Variants in ARMC8 observed in about 807,000 individuals in gnomAD.
ARMC8 encodes the protein armadillo repeat containing 8, also known as armadillo repeat-containing protein 8.
ARMC8 carries 20 observed loss-of-function variants against 99.3 expected under a neutral mutation model. That is an observed-to-expected ratio of 0.20 (90% CI 0.14 to 0.29). The LOEUF (loss-of-function observed/expected upper bound fraction) is 0.29. Ranked by LOEUF, ARMC8 falls within the 10% of genes least tolerant of loss-of-function variation. ARMC8 has a pLI of 1.00. For missense variants in ARMC8, 569 were observed against 809.5 expected (o/e 0.70, Z 3.60); for synonymous variants, 263 against 278.3 (o/e 0.95, Z 0.55).
At chr3:138,228,852 A>G (rs1212896441) in intron 5 of ARMC8, 66 bp from the exon 6 acceptor site, 22 of 971,466 alleles carry the variant, frequency 2.3e-5, no homozygotes, top group Non-Finnish European at 3.2e-5. Flanking sequence ...TTGTGGAAAT[A>G]TTTTATATTT....
At chr3:138,237,156 T>C in intron 7 of ARMC8, 153 bp from the exon 8 acceptor site, 1 of 645,222 alleles carries the variant, frequency 1.5e-6, no homozygotes. Context: ...TACTGTACTC[T>C]GCAGCTGTAC....
At chr3:138,231,997 G>A (rs1442384235) in intron 6 of ARMC8, among the ~76,000 whole-genome samples, 4 of 111,782 alleles carry the variant, frequency 3.6e-5, no homozygotes, top group Non-Finnish European at 5.1e-5. Context: ...TTGAGATGGA[G>A]TCTCGCTCTG....
At chr3:138,225,038 A>G (rs1393009662) in intron 5 of ARMC8, among the ~76,000 whole-genome samples, 1 of 151,522 alleles carries the variant, frequency 6.6e-6, no homozygotes, top group African/African-American at 2.4e-5. Flanking sequence ...GTTTTGAATA[A>G]TGGATAAGAC....
At chr3:138,289,018 T>A (rs1351350200) in intron 19 of ARMC8, 30 bp from the exon 20 acceptor site, 1 of 1,583,090 alleles carries the variant, frequency 6.3e-7, no homozygotes, top group Admixed American at 1.7e-5. Context: ...ACCACCATTT[T>A]GATTTTTTTT....
chr3:138,188,519 A>G (rs1186448164), intron 1 of ARMC8: 4 of 1,613,622 alleles, frequency 2.5e-6, no homozygotes, highest in Non-Finnish European at 3.4e-6. Context: ...GAGCTGTCCG[A>G]CTCTGAGAAT....
chr3:138,228,642 T>G, intron 5 of ARMC8: 2 of 472,672 alleles, frequency 4.2e-6, no homozygotes, highest in Non-Finnish European at 8.3e-6. Flanking sequence ...TGAAATGATT[T>G]TATCATGAGG....
intron 1 of ARMC8, among the ~76,000 whole-genome samples, chr3:138,200,974 G>A (rs142590929): frequency 3.0e-3 from 402 of 135,630 alleles, no homozygotes; most frequent in African/African-American, 9.5e-3. Flanking sequence ...GTGCAGTGGC[G>A]TGATCTTGGC....
intron 1 of ARMC8, among the ~76,000 whole-genome samples, chr3:138,195,539 A>G (rs986471918): frequency 2.0e-5 from 3 of 152,162 alleles, no homozygotes; most frequent in Non-Finnish European, 4.4e-5. Flanking sequence ...TAGCCTTCTT[A>G]TCACCTCCTA....
At chr3:138,273,210 A>G in intron 17 of ARMC8, 94 bp downstream of exon 17, 6 of 1,276,406 alleles carry the variant, frequency 4.7e-6, no homozygotes, top group Non-Finnish European at 6.4e-6. Flanking sequence ...ACATCTGCCC[A>G]TGAGTGTGAT....
chr3:138,265,274 T>G (rs1234281274), intron 14 of ARMC8, among the ~76,000 whole-genome samples: 1 of 152,090 alleles, frequency 6.6e-6, no homozygotes, highest in Admixed American at 6.6e-5. Context: ...CAAAAAAGGT[T>G]CAGGACAAAT....
chr3:138,203,118 A>G (rs1007488170), intron 1 of ARMC8, among the ~76,000 whole-genome samples: 4 of 152,182 alleles, frequency 2.6e-5, no homozygotes, highest in Non-Finnish European at 4.4e-5. Context: ...CTTTTGCACT[A>G]TTAAAGACAA....
intron 1 of ARMC8, among the ~76,000 whole-genome samples, chr3:138,208,320 G>T (rs1471887408): frequency 6.6e-6 from 1 of 152,128 alleles, no homozygotes; most frequent in Admixed American, 6.5e-5. Flanking sequence ...ACAAAAATTA[G>T]CTGGATGTGG....
chr3:138,200,715 TC>T (rs2044006187), intron 1 of ARMC8, among the ~76,000 whole-genome samples: 1 of 152,052 alleles, frequency 6.6e-6, no homozygotes, highest in Non-Finnish European at 1.5e-5. Context: ...CCTTCCCTTT[TC>T]TCACCTCCAC....
chr3:138,201,481 G>T (rs1308052751), intron 1 of ARMC8, among the ~76,000 whole-genome samples: 6 of 51,644 alleles, frequency 1.2e-4, no homozygotes, highest in East Asian at 5.6e-4. Context: ...TTTTTTTCCT[G>T]AGACAGAGTC....
intron 20 of ARMC8, among the ~76,000 whole-genome samples, chr3:138,289,989 T>C (rs2050786455): frequency 6.6e-6 from 1 of 152,206 alleles, no homozygotes; most frequent in Non-Finnish European, 1.5e-5. Flanking sequence ...AGATACCACG[T>C]ACCACTTGTG....
upstream of ARMC8, chr3:138,187,293 C>T (rs2043116046): frequency 4.6e-6 from 2 of 430,400 alleles, no homozygotes; most frequent in Non-Finnish European, 8.3e-6. Context: ...ATGCGGAAAC[C>T]GCTGCCCGCT....
At chr3:138,252,678 A>G (rs1242058237) in intron 12 of ARMC8, among the ~76,000 whole-genome samples, 3 of 124,458 alleles carry the variant, frequency 2.4e-5, no homozygotes, top group African/African-American at 8.9e-5. Context: ...ATGGTCCCGA[A>G]CTCCTGACCT....
At chr3:138,190,351 A>G (rs1218892488) in intron 1 of ARMC8, among the ~76,000 whole-genome samples, 1 of 146,718 alleles carries the variant, frequency 6.8e-6, no homozygotes, top group African/African-American at 2.6e-5. Flanking sequence ...CAGTGGCGCA[A>G]TCTCGACTCA....
chr3:138,276,605 G>C (rs547991777), intron 18 of ARMC8, among the ~76,000 whole-genome samples: 3 of 152,262 alleles, frequency 2.0e-5, no homozygotes, highest in South Asian at 2.1e-4. Context: ...GATAGAAAAG[G>C]CAGTTGTATT....
Sources: gnomAD v4.1 joint callset for allele counts (sites outside exome capture counted in the v4.1 genomes callset) on GRCh38, gnomAD v4.1.1 for gene constraint, MANE v1.5 for transcripts, NCBI Gene and HGNC (gene_info 2026-07-23, HGNC 2026-07-21) for gene names.